The following CNGB3 variants were observed in gnomAD, a reference collection of about 807,000 sequenced individuals.
CNGB3 encodes the protein cyclic nucleotide gated channel subunit beta 3.
A neutral mutation model predicts 92.8 loss-of-function variants in CNGB3; 86 were observed. The ratio of observed to expected loss-of-function variants is 0.93; its 90% CI spans 0.78 to 1.11. The LOEUF (loss-of-function observed/expected upper bound fraction) is 1.11, where lower values mean the gene tolerates loss of function less well. Among genes scored for constraint, CNGB3 ranks in the 50% least tolerant of loss-of-function variants. The pLI is 0.00. For missense variants in CNGB3, 1,026 were observed against 956.8 expected, an observed-to-expected ratio of 1.07 and a Z score of -0.95; for synonymous variants, 333 against 332.7, an observed-to-expected ratio of 1.00 and a Z score of -0.01.
intron 10 of CNGB3, among the ~76,000 whole-genome samples, chr8:86,636,113 T>C (rs916488135): frequency 2.6e-5 from 4 of 151,920 alleles, no homozygotes; most frequent in Non-Finnish European, 4.4e-5. Context: ...TCGTCACATA[T>C]TCCTCCACTT....
At chr8:86,604,770 G>A (rs1194718132) in intron 14 of CNGB3, among the ~76,000 whole-genome samples, 1 of 152,108 alleles carries the variant, frequency 6.6e-6, no homozygotes, top group Non-Finnish European at 1.5e-5. Flanking sequence ...GGACTCTTGG[G>A]ACCAGGGCAA....
At chr8:86,645,824 T>G (rs1457309105) in intron 8 of CNGB3, among the ~76,000 whole-genome samples, 3 of 151,254 alleles carry the variant, frequency 2.0e-5, no homozygotes, top group African/African-American at 7.3e-5. Flanking sequence ...AAATTTAGCT[T>G]AAGTGTTCAC....
At chr8:86,671,391 G>C (rs1823859892) in intron 3 of CNGB3, among the ~76,000 whole-genome samples, 1 of 152,202 alleles carries the variant, frequency 6.6e-6, no homozygotes, top group Non-Finnish European at 1.5e-5. Context: ...TAAAGCTACA[G>C]ATGGTGGGGC....
intron 2 of CNGB3, among the ~76,000 whole-genome samples, chr8:86,737,892 T>A (rs1180788421): frequency 1.3e-5 from 2 of 152,236 alleles, no homozygotes; most frequent in African/African-American, 2.4e-5. Flanking sequence ...ACTGCAGGGA[T>A]ATTCCTTGAC....
intron 2 of CNGB3, among the ~76,000 whole-genome samples, chr8:86,733,540 G>T (rs531627686): frequency 2.4e-4 from 37 of 152,330 alleles, no homozygotes; most frequent in African/African-American, 8.2e-4. Flanking sequence ...TTGATAAAAA[G>T]TTATATACAT....
At position 86,739,724 on chromosome 8, in the gene CNGB3, C is replaced by A; in HGVS notation, c.142G>T (p.Gly48Cys). 1 of 1,611,702 alleles carries A rather than the reference C, an allele frequency of 6.2e-7. No homozygotes were observed. The highest frequency in any genetic ancestry group is 8.5e-7 in the Non-Finnish European group (1 of 1,179,658). Residue 48 changes from glycine to cysteine, a missense_variant, in exon 2 of 18, where the codon GGT becomes TGT. Coordinates refer to ENST00000320005, the MANE Select transcript of CNGB3 (RefSeq NM_019098.5). ...TTGGTTTTGAGAGATTTCTCTTCACCTTTGTTTTCTTCCTTTGAGAAAAAA... is the reference window on the plus strand; with the variant it reads ...TTGGTTTTGAGAGATTTCTCTTCACATTTGTTTTCTTCCTTTGAGAAAAAA... Reference protein sequence around the residue: ...QQTTAQEENKGEEKSLKTKST... With the variant: ...QQTTAQEENKCEEKSLKTKST...
At chr8:86,660,016 A>G (rs1367118457) in intron 6 of CNGB3, 4 of 347,586 alleles carry the variant, frequency 1.2e-5, no homozygotes, top group African/African-American at 2.2e-5. Context: ...CATGATTCTG[A>G]GGTGCCGCCA....
chr8:86,604,110 C>G lies in CNGB3; in HGVS notation c.1764G>C (p.Ser588=). ...TCAGATACCTGATTTCTCCAAACACCGACCCAGCTTTCAGAGTAACCAGAA... is the reference window on the plus strand; with the variant it reads ...TCAGATACCTGATTTCTCCAAACACGGACCCAGCTTTCAGAGTAACCAGAA... ...TKVLVTLKAG[S]VFGEISLLAA... The change falls in exon 15 of 18, where the codon TCG becomes TCC. Residue 588 remains serine (S), a synonymous_variant. Transcript: ENST00000320005. 6.2e-7 allele frequency: 1 copy of G among 1,611,336 alleles called. No individual in the cohort carries two copies. Among genetic ancestry groups the G allele is most frequent in the Non-Finnish European group, 8.5e-7 (1 of 1,177,598 alleles).
intron 15 of CNGB3, among the ~76,000 whole-genome samples, chr8:86,586,598 G>A (rs1434827727): frequency 6.7e-6 from 1 of 149,984 alleles, no homozygotes; most frequent in East Asian, 2.0e-4. Context: ...TTGGTTTTTT[G>A]TTCTTGCGAT....
At position 86,578,497 on chromosome 8, in the gene CNGB3, G is replaced by A. The variant is rs1485311981; in HGVS notation, c.2103+192C>T. On this transcript the variant is annotated intron_variant, in intron 17 of 17. Transcript: ENST00000320005. ...AAGCCATCTATAAACATCCTGTGAG[G>A]GTTAAATGTGATGATATGTGGGAAT... 2.0e-5 allele frequency among the ~76,000 whole-genome samples: 3 copies of A among 152,064 alleles called. No individual in the cohort carries two copies. The East Asian group carries it at 5.8e-4, about 29-fold the overall frequency.
intron 1 of CNGB3, among the ~76,000 whole-genome samples, chr8:86,742,132 A>G (rs565447252): frequency 6.6e-6 from 1 of 152,326 alleles, no homozygotes; most frequent in South Asian, 2.1e-4. Flanking sequence ...GTTAGTTACA[A>G]TGTTCTCCAA....
At chr8:86,632,171 C>T (rs1264213800) in intron 11 of CNGB3, among the ~76,000 whole-genome samples, 1 of 128,184 alleles carries the variant, frequency 7.8e-6, no homozygotes, top group Non-Finnish European at 1.5e-5. Flanking sequence ...TGCTCCCCAG[C>T]TTGGGTGACA....
chr8:86,603,787 A>C (rs1034714062), intron 15 of CNGB3, among the ~76,000 whole-genome samples: 1 of 152,150 alleles, frequency 6.6e-6, no homozygotes, highest in African/African-American at 2.4e-5. Flanking sequence ...ATCTGGTAAC[A>C]ATGAACCCTC....
intron 2 of CNGB3, among the ~76,000 whole-genome samples, chr8:86,728,695 G>A (rs1431154406): frequency 6.6e-6 from 1 of 152,114 alleles, no homozygotes; most frequent in African/African-American, 2.4e-5. Context: ...TTTATTACAT[G>A]GAGGGGATCT....
intron 10 of CNGB3, among the ~76,000 whole-genome samples, chr8:86,640,194 A>G (rs1358386034): frequency 6.6e-6 from 1 of 151,976 alleles, no homozygotes; most frequent in Non-Finnish European, 1.5e-5. Flanking sequence ...CCTTCTATCA[A>G]TTTTTGCTTT....
At chr8:86,636,296 G>A (rs1823069806) in intron 10 of CNGB3, among the ~76,000 whole-genome samples, 1 of 152,032 alleles carries the variant, frequency 6.6e-6, no homozygotes, top group Non-Finnish European at 1.5e-5. Flanking sequence ...ATGAGGCCGG[G>A]CATGGCGGCT....
At chr8:86,642,522 A>C (rs1563737569) in intron 10 of CNGB3, among the ~76,000 whole-genome samples, 1 of 151,582 alleles carries the variant, frequency 6.6e-6, no homozygotes, top group Non-Finnish European at 1.5e-5. Context: ...GTAGTATGTA[A>C]TTTTGTAAGT....
intron 8 of CNGB3, among the ~76,000 whole-genome samples, chr8:86,646,442 A>T (rs1823293384): frequency 6.6e-6 from 1 of 151,234 alleles, no homozygotes; most frequent in Non-Finnish European, 1.5e-5. Flanking sequence ...AATGTGATAG[A>T]GTTCAGACAC....
At chr8:86,712,995 C>T in intron 3 of CNGB3, among the ~76,000 whole-genome samples, 1 of 151,780 alleles carries the variant, frequency 6.6e-6, no homozygotes, top group East Asian at 1.9e-4. Context: ...AGAGGAAAAA[C>T]CTCCTGAAAC....
Sources: allele counts gnomAD v4.1 joint callset (sites outside exome capture counted in the v4.1 genomes callset), GRCh38; gene constraint gnomAD v4.1.1; transcripts MANE v1.5; gene names NCBI Gene and HGNC (gene_info 2026-07-23, HGNC 2026-07-21).